APBB2: variants seen among roughly 807,000 people sequenced by gnomAD.
APBB2 encodes the protein amyloid beta precursor protein binding family B member 2.
A neutral mutation model predicts 82.5 loss-of-function variants in APBB2; 38 were observed. That is an observed-to-expected ratio of 0.46 (90% confidence interval 0.36 to 0.60). The LOEUF (loss-of-function observed/expected upper bound fraction) is 0.60, where lower values mean the gene tolerates loss of function less well. APBB2 is among the 20% of genes least tolerant of loss of function. The pLI, the probability that APBB2 is intolerant of heterozygous loss-of-function variation, is 0.00. For missense variants in APBB2, 772 were observed against 972.3 expected (o/e 0.79, Z 2.74); for synonymous variants, 341 against 368.2 (o/e 0.93, Z 0.85).
chr4:41,033,356 A>T, intron 4 of APBB2, 52 bp from the exon 5 acceptor site: 1 of 1,189,888 alleles, frequency 8.4e-7, no homozygotes, highest in Non-Finnish European at 1.2e-6. Flanking sequence ...ACAAAGCATA[A>T]AAGAAAGAAA....
At chr4:41,027,952 T>C (rs116011324) in intron 5 of APBB2, among the ~76,000 whole-genome samples, 1,889 of 152,366 alleles carry the variant, frequency 0.012, 45 homozygotes, top group African/African-American at 0.043. Context: ...GATCGATTCC[T>C]AATCCAGAGG....
At chr4:40,827,555 C>T (rs940639597) in intron 13 of APBB2, among the ~76,000 whole-genome samples, 8 of 152,170 alleles carry the variant, frequency 5.3e-5, no homozygotes, top group Non-Finnish European at 8.8e-5. Flanking sequence ...CCCACAGTGG[C>T]CAGCGGCAGC....
At chr4:41,168,836 T>C (rs75427848) in intron 1 of APBB2, among the ~76,000 whole-genome samples, 6,360 of 152,180 alleles carry the variant, frequency 0.042, 147 homozygotes, top group Middle Eastern at 0.058. Flanking sequence ...AGGAAATGAC[T>C]TGCCAGCCCA....
intron 6 of APBB2, among the ~76,000 whole-genome samples, chr4:41,005,645 A>T (rs1225076197): frequency 6.6e-6 from 1 of 152,194 alleles, no homozygotes; most frequent in Non-Finnish European, 1.5e-5. Context: ...TTGCTTCCTA[A>T]GCTGCCACTG....
chr4:40,851,521 A>G (rs192132279), intron 12 of APBB2, among the ~76,000 whole-genome samples: 1 of 152,190 alleles, frequency 6.6e-6, no homozygotes, highest in East Asian at 1.9e-4. Context: ...AATCAGGCCA[A>G]CTTGGCCCCA....
At chr4:41,071,868 CTTTG>C (rs1380022840) in intron 3 of APBB2, among the ~76,000 whole-genome samples, 2 of 152,018 alleles carry the variant, frequency 1.3e-5, no homozygotes, top group African/African-American at 2.4e-5. Flanking sequence ...TATGATTAAT[CTTTG>C]TTTGGTGACA....
chr4:41,034,304 G>C (rs183804985), intron 4 of APBB2, among the ~76,000 whole-genome samples: 1 of 152,042 alleles, frequency 6.6e-6, no homozygotes, highest in Admixed American at 6.5e-5. Flanking sequence ...GGATCTACAA[G>C]AGCCTATATA....
chr4:40,850,843 G>A (rs1353034833), intron 12 of APBB2, among the ~76,000 whole-genome samples: 1 of 152,172 alleles, frequency 6.6e-6, no homozygotes, highest in African/African-American at 2.4e-5. Flanking sequence ...TATTCAGGAG[G>A]CTGAGGCAGG....
At chr4:41,008,028 T>A (rs1158296884) in intron 6 of APBB2, among the ~76,000 whole-genome samples, 1 of 152,258 alleles carries the variant, frequency 6.6e-6, no homozygotes, top group Non-Finnish European at 1.5e-5. Context: ...GCATTTGATC[T>A]AAACCTCAGT....
At chr4:40,888,657 C>A (rs1022771653) in intron 12 of APBB2, among the ~76,000 whole-genome samples, 1 of 148,928 alleles carries the variant, frequency 6.7e-6, no homozygotes, top group Non-Finnish European at 1.5e-5. Flanking sequence ...GCCTCGCACA[C>A]GTATGTAATG....
intron 10 of APBB2, among the ~76,000 whole-genome samples, chr4:40,929,979 T>G (rs1265463356): frequency 1.3e-5 from 2 of 151,888 alleles, no homozygotes; most frequent in African/African-American, 2.4e-5. Context: ...AATATTACCA[T>G]GGAATTAGGA....
At chr4:40,857,452 G>C (rs969229747) in intron 12 of APBB2, among the ~76,000 whole-genome samples, 1 of 152,094 alleles carries the variant, frequency 6.6e-6, no homozygotes, top group African/African-American at 2.4e-5. Context: ...TGATGCTCTA[G>C]GCCTGCTGGG....
intron 5 of APBB2, among the ~76,000 whole-genome samples, chr4:41,021,216 G>A (rs1811395522): frequency 6.6e-6 from 1 of 152,128 alleles, no homozygotes. Context: ...CCCTTTCACT[G>A]GCCTAAAGAG....
intron 10 of APBB2, among the ~76,000 whole-genome samples, chr4:40,928,429 A>ACACAC (rs771316562): frequency 3.6e-4 from 4 of 10,992 alleles, no homozygotes; most frequent in African/African-American, 4.1e-4. Flanking sequence ...CACACACACA[A>ACACAC]TCAGCCAGGT....
chr4:41,201,385 CA>C (rs1776657352), intron 1 of APBB2, among the ~76,000 whole-genome samples: 1 of 152,140 alleles, frequency 6.6e-6, no homozygotes, highest in African/African-American at 2.4e-5. Flanking sequence ...TTTAAACCTA[CA>C]AAAGGTGGAG....
At chr4:41,203,693 G>A (rs1207847606) in intron 1 of APBB2, among the ~76,000 whole-genome samples, 1 of 152,118 alleles carries the variant, frequency 6.6e-6, no homozygotes, top group East Asian at 1.9e-4. Flanking sequence ...GAACCTCCAG[G>A]AGCTGTAAGC....
chr4:40,900,881 T>A (rs1775088352), intron 10 of APBB2, among the ~76,000 whole-genome samples: 2 of 152,216 alleles, frequency 1.3e-5, no homozygotes, highest in East Asian at 1.9e-4. Context: ...ACCTACCATG[T>A]GCTAGGCACC....
intron 2 of APBB2, among the ~76,000 whole-genome samples, chr4:41,110,292 G>A (rs917299496): frequency 7.9e-5 from 12 of 152,148 alleles, no homozygotes; most frequent in Non-Finnish European, 1.6e-4. Flanking sequence ...TCTCAACAAG[G>A]TTGTCGTACC....
At chr4:41,032,854 G>A (rs1308288911) in intron 5 of APBB2, among the ~76,000 whole-genome samples, 4 of 120,404 alleles carry the variant, frequency 3.3e-5, no homozygotes, top group Non-Finnish European at 6.3e-5. Flanking sequence ...GCGCGATCTC[G>A]ACTCACTGCA....
Sources: gnomAD v4.1 joint callset for allele counts (sites outside exome capture counted in the v4.1 genomes callset) on GRCh38, gnomAD v4.1.1 for gene constraint, MANE v1.5 for transcripts, NCBI Gene and HGNC (gene_info 2026-07-23, HGNC 2026-07-21) for gene names.